Variants in IQCK observed in about 807,000 individuals in gnomAD.
IQCK encodes IQ motif containing K.
In IQCK, 29 loss-of-function variants were observed where a neutral mutation model predicts 28.1. The ratio of observed to expected loss-of-function variants is 1.03; its 90% confidence interval spans 0.77 to 1.41. The LOEUF is 1.41. Ranked by LOEUF, IQCK falls within the 40% of genes most tolerant of loss-of-function variation. The pLI, the probability that IQCK is intolerant of heterozygous loss-of-function variation, is 0.00. For synonymous variants in IQCK, 113 were observed against 115.1 expected (o/e 0.98, Z 0.12); for missense variants, 359 against 314.7 (o/e 1.14, Z -1.07).
At chr16:19,850,566 T>C (rs1597613330) in intron 9 of IQCK, among the ~76,000 whole-genome samples, 2 of 152,224 alleles carry the variant, frequency 1.3e-5, no homozygotes, top group South Asian at 4.1e-4. Flanking sequence ...CCCAGCACGG[T>C]TGTGGTCCAT....
chr16:19,758,855 A>G (rs923182188), intron 4 of IQCK, among the ~76,000 whole-genome samples: 1 of 152,192 alleles, frequency 6.6e-6, no homozygotes, highest in Non-Finnish European at 1.5e-5. Flanking sequence ...AAACTCCAAT[A>G]AAGGTTTCGG....
intron 1 of IQCK, among the ~76,000 whole-genome samples, chr16:19,723,164 C>G (rs1157822772): frequency 1.3e-5 from 2 of 151,342 alleles, no homozygotes; most frequent in African/African-American, 2.4e-5. Flanking sequence ...CCTTACCACC[C>G]CCTGCTTAGA....
chr16:19,733,726 A>G (rs748940422), exon 3 of IQCK: 4 of 1,614,156 alleles, frequency 2.5e-6, no homozygotes, highest in East Asian at 2.2e-5. Context: ...ATGCTTTTTC[A>G]TGGCTTCAGT....
chr16:19,854,673 G>A (rs1023006149), intron 9 of IQCK, among the ~76,000 whole-genome samples: 4 of 152,198 alleles, frequency 2.6e-5, no homozygotes, highest in Non-Finnish European at 5.9e-5. Context: ...CTGACTGTGC[G>A]CACCTCTTCC....
downstream of IQCK, among the ~76,000 whole-genome samples, chr16:19,829,565 G>C (rs2056202548): frequency 6.6e-6 from 1 of 152,138 alleles, no homozygotes; most frequent in African/African-American, 2.4e-5. Context: ...CTGACCTCCT[G>C]ACCTCAAGTG....
chr16:19,761,496 T>C, intron 4 of IQCK: 1 of 444,682 alleles, frequency 2.2e-6, no homozygotes, highest in Non-Finnish European at 4.5e-6. Context: ...ATCTTTCTTC[T>C]TGGGAAGGAT....
chr16:19,828,152 A>G (rs1007126943), downstream of IQCK, among the ~76,000 whole-genome samples: 1 of 150,560 alleles, frequency 6.6e-6, no homozygotes, highest in Admixed American at 6.6e-5. Context: ...ACCTCAAGTG[A>G]TCTGCTGCCT....
At position 19,781,558 on chromosome 16, in the gene IQCK, G is replaced by A. The variant is rs998937613; in HGVS notation, c.606-7280G>A. On this transcript the variant is annotated intron_variant, in intron 6 of 7. Coordinates refer to ENST00000564186, the Ensembl canonical transcript of IQCK. ...AGCTCTGCAGGTTTTGGAGCTGTTC[G>A]TATGTTCACAGAAGGCTGGAATTGA... Among the ~76,000 whole-genome samples the A allele has an allele frequency of 3.3e-5, 5 of 152,194 alleles. No individual in the cohort carries two copies. In the East Asian group the frequency reaches 7.7e-4, roughly 23 times the overall value.
chr16:19,829,315 G>A (rs1048346987), downstream of IQCK, among the ~76,000 whole-genome samples: 11 of 150,424 alleles, frequency 7.3e-5, no homozygotes, highest in South Asian at 8.4e-4. Flanking sequence ...CTTCTTCACC[G>A]TGAGACTCTG....
intron 9 of IQCK, among the ~76,000 whole-genome samples, chr16:19,832,843 AG>A (rs1057220126): frequency 6.6e-6 from 1 of 152,076 alleles, no homozygotes; most frequent in African/African-American, 2.4e-5. Context: ...AGAGAGAGTG[AG>A]GGGGGAACTG....
intron 6 of IQCK, among the ~76,000 whole-genome samples, chr16:19,775,930 A>AGAGT (rs1321465499): frequency 3.3e-5 from 4 of 122,742 alleles, no homozygotes; most frequent in Non-Finnish European, 4.7e-5. Context: ...CATCCAGGCT[A>AGAGT]GAGTGCAGTG....
At chr16:19,732,168 A>G (rs1977861090) in intron 2 of IQCK, among the ~76,000 whole-genome samples, 2 of 152,202 alleles carry the variant, frequency 1.3e-5, no homozygotes, top group South Asian at 2.1e-4. Context: ...GTCCACCAAC[A>G]TATACACCAG....
intron 6 of IQCK, among the ~76,000 whole-genome samples, chr16:19,774,481 C>T (rs2055364092): frequency 2.2e-5 from 3 of 136,500 alleles, no homozygotes; most frequent in African/African-American, 5.6e-5. Flanking sequence ...GATCTTGGCT[C>T]ACTGCAACCT....
At chr16:19,827,576 C>A (rs1445860959), downstream of IQCK, among the ~76,000 whole-genome samples, 2 of 152,060 alleles carry the variant, frequency 1.3e-5, no homozygotes, top group Non-Finnish European at 2.9e-5. Context: ...TGTGAGATGC[C>A]CAGATTAAAC....
rs112177110 is a variant in IQCK, at chr16:19,852,854, T to C, written c.803-3633T>C. Among the ~76,000 whole-genome samples the C allele has an allele frequency of 1.1e-3, 163 of 152,168 alleles. 1 individual carries two copies. Among genetic ancestry groups the C allele is most frequent in the African/African-American group, 3.8e-3 (156 of 41,552 alleles). On this transcript the variant is annotated intron_variant, in intron 9 of 9. Transcript: ENST00000320394. The stretch of plus-strand genomic sequence containing the variant: ...AGCCAGGATGGTCTTGATCTCCTGA[T>C]CTCGTGATCTGCCCGCCTCAGCCTC...
At position 19,765,095 on chromosome 16, in the gene IQCK, G is replaced by A. The variant is rs757873507; in HGVS notation, c.605+983G>A. Among the ~76,000 whole-genome samples, 230 of 147,372 alleles carry A rather than the reference G, an allele frequency of 1.6e-3. 1 individual carries two copies. The highest frequency in any genetic ancestry group is 2.8e-3 in the Non-Finnish European group (184 of 65,976). ...AAATTAGCCAGGCATAGTGGCGGGC[G>A]CCTGTAGTCCCAGCAACTCGGGAGG... On this transcript the variant is annotated intron_variant, in intron 6 of 7. Transcript: ENST00000564186.
At chr16:19,718,397 A>G in exon 1 of IQCK, 1 of 1,605,950 alleles carries the variant, frequency 6.2e-7, no homozygotes, top group Non-Finnish European at 8.5e-7. Flanking sequence ...GCCGGTGCCC[A>G]CCGTGTCTCT....
chr16:19,831,079 C>T (rs2056226872), downstream of IQCK, among the ~76,000 whole-genome samples: 2 of 152,160 alleles, frequency 1.3e-5, no homozygotes, highest in Admixed American at 6.5e-5. Context: ...AATGAAGTTC[C>T]AGCAAGATTG....
At chr16:19,824,604 C>T (rs1182499262) in intron 7 of IQCK, among the ~76,000 whole-genome samples, 1 of 152,208 alleles carries the variant, frequency 6.6e-6, no homozygotes, top group African/African-American at 2.4e-5. Context: ...TCTCATTTCT[C>T]AGGTTGTCTC....
Sources: allele counts gnomAD v4.1 joint callset (sites outside exome capture counted in the v4.1 genomes callset), GRCh38; gene constraint gnomAD v4.1.1; transcripts MANE v1.5; gene names NCBI Gene and HGNC (gene_info 2026-07-23, HGNC 2026-07-21).